The following CSPP1 variants were observed in gnomAD, a reference collection of about 807,000 sequenced individuals.
CSPP1 encodes centrosome and spindle pole-associated protein 1.
Under a neutral mutation model 164.4 loss-of-function variants are expected in CSPP1, and 126 were observed. That is an observed-to-expected ratio of 0.77 (90% CI 0.66 to 0.89). CSPP1 has a LOEUF of 0.89. Among genes scored for constraint, CSPP1 ranks in the 40% least tolerant of loss-of-function variants. CSPP1 has a pLI of 0.00. For synonymous variants in CSPP1, 472 were observed against 476.7 expected (o/e 0.99, Z 0.13); for missense variants, 1,395 against 1,449.8 (o/e 0.96, Z 0.61).
intron 17 of CSPP1, among the ~76,000 whole-genome samples, chr8:67,138,658 A>T (rs2129555489): frequency 6.6e-6 from 1 of 152,194 alleles, no homozygotes; most frequent in South Asian, 2.1e-4. Flanking sequence ...TATTGTAGGA[A>T]TAGATGAGTG....
At chr8:67,160,606 A>G (rs1828154569) in intron 21 of CSPP1, among the ~76,000 whole-genome samples, 1 of 151,966 alleles carries the variant, frequency 6.6e-6, no homozygotes, top group African/African-American at 2.4e-5. Context: ...AAGTACCATA[A>G]AGTTTTAAAT....
rs765955382 is a variant in CSPP1 at position 67,159,109 on chromosome 8, G to A, written c.2510G>A (p.Arg837Lys). 9.4e-6 allele frequency: 15 copies of A among 1,601,498 alleles called. No homozygotes were observed. The highest frequency in any genetic ancestry group is 1.2e-5 in the Non-Finnish European group (14 of 1,177,032). The change falls in exon 21 of 31, where the codon AGA becomes AAA. Residue 837 changes from arginine to lysine, a missense_variant. Arg to Lys is a conservative substitution (Grantham distance 26, BLOSUM62 2). Coordinates refer to ENST00000678616, the MANE Select transcript of CSPP1 (RefSeq NM_001382391.1). ...CTGCAACTTCAGCACTACTGTGAAA[G>A]AGACAATTTGATTGGGGAAGAAACA... ...YNLQLQHYCERDNLIGEETKH... is the reference protein window; with the variant it reads ...YNLQLQHYCEKDNLIGEETKH...
At chr8:67,070,022 C>G (rs1049491447) in intron 1 of CSPP1, among the ~76,000 whole-genome samples, 6 of 147,686 alleles carry the variant, frequency 4.1e-5, no homozygotes, top group Non-Finnish European at 7.4e-5. Context: ...TATGCGTTAT[C>G]TCATCATTTT....
chr8:67,138,249 T>C (rs1822762624), intron 17 of CSPP1, among the ~76,000 whole-genome samples: 1 of 152,178 alleles, frequency 6.6e-6, no homozygotes, highest in South Asian at 2.1e-4. Flanking sequence ...TTCCATGATC[T>C]CCTGTGAATA....
intron 1 of CSPP1, among the ~76,000 whole-genome samples, chr8:67,070,743 T>A (rs1174783278): frequency 6.8e-6 from 1 of 146,742 alleles, no homozygotes; most frequent in Non-Finnish European, 1.5e-5. Context: ...ATATATATAT[T>A]TCTATTTTTA....
chr8:67,087,206 A>G (rs1042152627), intron 4 of CSPP1, among the ~76,000 whole-genome samples: 1 of 152,110 alleles, frequency 6.6e-6, no homozygotes, highest in African/African-American at 2.4e-5. Context: ...GAGTAGTAGA[A>G]TATCCAAGAT....
At chr8:67,155,756 T>G (rs1182258860) in intron 19 of CSPP1, among the ~76,000 whole-genome samples, 1 of 152,122 alleles carries the variant, frequency 6.6e-6, no homozygotes, top group Admixed American at 6.5e-5. Context: ...CACTTTATTC[T>G]TGCCTGGGTG....
At chr8:67,161,976 A>T (rs1828446689) in intron 22 of CSPP1, 61 bp downstream of exon 22, 1 of 1,121,578 alleles carries the variant, frequency 8.9e-7, no homozygotes, top group African/African-American at 1.6e-5. Flanking sequence ...GGGGGATCGA[A>T]TGAAATTTTC....
At chr8:67,130,584 T>C (rs1203875213) in intron 15 of CSPP1, among the ~76,000 whole-genome samples, 2 of 152,236 alleles carry the variant, frequency 1.3e-5, no homozygotes, top group African/African-American at 4.8e-5. Flanking sequence ...TACACAAACA[T>C]ACTTGTTTAT....
chr8:67,139,447 G>A (rs1442994649), intron 17 of CSPP1, among the ~76,000 whole-genome samples: 1 of 151,886 alleles, frequency 6.6e-6, no homozygotes, highest in African/African-American at 2.4e-5. Flanking sequence ...ATTCCTCAGG[G>A]ATCTAGAACT....
chr8:67,177,009 T>G (rs1831832858), intron 26 of CSPP1, among the ~76,000 whole-genome samples: 1 of 143,980 alleles, frequency 6.9e-6, no homozygotes, highest in African/African-American at 2.6e-5. Context: ...AGGTGGAGGT[T>G]GCAGAGAGCC....
chr8:67,075,767 T>C (rs2129541548), intron 2 of CSPP1, among the ~76,000 whole-genome samples: 1 of 152,262 alleles, frequency 6.6e-6, no homozygotes, highest in East Asian at 1.9e-4. Context: ...GTTAAGCAGG[T>C]GAATTTTTTT....
At chr8:67,078,381 G>A (rs1006572674) in intron 3 of CSPP1, among the ~76,000 whole-genome samples, 3 of 150,958 alleles carry the variant, frequency 2.0e-5, no homozygotes, top group Admixed American at 6.6e-5. Flanking sequence ...TTACTTTGTC[G>A]CCCAGGCTGG....
intron 1 of CSPP1, among the ~76,000 whole-genome samples, chr8:67,072,435 T>A (rs1807015019): frequency 6.6e-6 from 1 of 152,282 alleles, no homozygotes; most frequent in Non-Finnish European, 1.5e-5. Flanking sequence ...AGAAAATATT[T>A]TTACAAAGCA....
chr8:67,098,529 CTTAA>C (rs1189743133), intron 7 of CSPP1, among the ~76,000 whole-genome samples: 4 of 151,880 alleles, frequency 2.6e-5, no homozygotes, highest in African/African-American at 7.2e-5. Context: ...TGACAGCATT[CTTAA>C]TTAACAAGGT....
intron 3 of CSPP1, among the ~76,000 whole-genome samples, chr8:67,079,663 G>A (rs1217005150): frequency 6.6e-6 from 1 of 152,038 alleles, no homozygotes; most frequent in African/African-American, 2.4e-5. Flanking sequence ...CCCTTTGATG[G>A]CTTCTTTTTT....
At chr8:67,123,272 T>C (rs1819352156) in intron 15 of CSPP1, 1 of 152,198 alleles carries the variant, frequency 6.6e-6, no homozygotes, top group African/African-American at 2.4e-5. Context: ...AGGTCTCTCT[T>C]TATATGCATA....
chr8:67,098,744 A>G (rs1236525290), intron 7 of CSPP1, among the ~76,000 whole-genome samples: 1 of 152,046 alleles, frequency 6.6e-6, no homozygotes, highest in East Asian at 1.9e-4. Flanking sequence ...CTTGAACTGT[A>G]GAAGTTAATA....
In CSPP1 at chr8:67,116,078, G is replaced by A; in HGVS notation, c.1452G>A (p.Leu484=). Residue 484 remains leucine, a synonymous_variant, in exon 13 of 31, where the codon TTG becomes TTA. Transcript: ENST00000678616. ...VHPVPSQNED[L]RSGLSSALGE... ...CTGTTCCTTCTCAAAATGAAGATTT[G>A]CGCAGTGGACTCAGCAGCGCCCTTG... The A allele has an allele frequency of 2.5e-6, 4 of 1,614,084 alleles. No homozygotes were observed. The highest frequency in any genetic ancestry group is 3.4e-6 in the Non-Finnish European group (4 of 1,180,026).
Sources: allele counts gnomAD v4.1 joint callset (sites outside exome capture counted in the v4.1 genomes callset), GRCh38; gene constraint gnomAD v4.1.1; transcripts MANE v1.5; gene names NCBI Gene and HGNC (gene_info 2026-07-23, HGNC 2026-07-21).